The following SORCS3 variants were observed in gnomAD, a reference collection of about 807,000 sequenced individuals.
SORCS3 encodes the protein sortilin related VPS10 domain containing receptor 3.
In SORCS3, 57 loss-of-function variants were observed where a neutral mutation model predicts 146.3. The ratio of observed to expected loss-of-function variants is 0.39; its 90% CI spans 0.31 to 0.49. The LOEUF is 0.49. SORCS3 is among the 20% of genes least tolerant of loss of function. The pLI is 0.92. For missense variants in SORCS3, 1,341 were observed against 1,575.5 expected, an observed-to-expected ratio of 0.85 and a Z score of 2.52; for synonymous variants, 653 against 618.5, an observed-to-expected ratio of 1.06 and a Z score of -0.83.
chr10:105,210,632 G>C (rs887297794), intron 16 of SORCS3, among the ~76,000 whole-genome samples: 2 of 152,172 alleles, frequency 1.3e-5, no homozygotes, highest in African/African-American at 4.8e-5. Context: ...CACAAAAAGA[G>C]CTACAGTGTA....
intron 1 of SORCS3, among the ~76,000 whole-genome samples, chr10:104,721,435 G>A (rs189438702): frequency 2.6e-5 from 4 of 152,260 alleles, no homozygotes; most frequent in African/African-American, 9.6e-5. Context: ...TGTTCTTTTG[G>A]CTTAGGATTG....
intron 1 of SORCS3, among the ~76,000 whole-genome samples, chr10:104,660,853 T>C (rs1564653378): frequency 6.6e-6 from 1 of 152,164 alleles, no homozygotes; most frequent in Non-Finnish European, 1.5e-5. Context: ...CTCAAAAAGC[T>C]CCCATGAGAG....
chr10:105,256,149 A>G lies in SORCS3; in HGVS notation c.3337+348A>G, dbSNP rs556133747. The stretch of plus-strand genomic sequence containing the variant: ...ATTGGACAGTCCTCTAGCTCTCTTC[A>G]TTCATTCGATTATCTGATTTTATGA... On this transcript the variant is annotated intron_variant, in intron 24 of 26. Transcript: ENST00000369701. Among the ~76,000 whole-genome samples, 33 of 152,248 alleles carry G rather than the reference A, an allele frequency of 2.2e-4. No individual in the cohort carries two copies. The South Asian group carries it at 2.3e-3, about 11-fold the overall frequency.
intron 3 of SORCS3, among the ~76,000 whole-genome samples, chr10:104,941,080 G>A (rs2019316075): frequency 6.6e-6 from 1 of 152,186 alleles, no homozygotes; most frequent in Non-Finnish European, 1.5e-5. Flanking sequence ...CTCTTAGCAT[G>A]CTAATGCATT....
intron 3 of SORCS3, among the ~76,000 whole-genome samples, chr10:104,923,152 G>A (rs183534969): frequency 6.6e-6 from 1 of 152,238 alleles, no homozygotes; most frequent in Non-Finnish European, 1.5e-5. Context: ...TATGCTTTTC[G>A]AAGCCCCTTC....
Position 105,255,789 on chromosome 10 carries a change from C to G in SORCS3, c.3325C>G (p.Gln1109Glu). The change falls in exon 24 of 27, where the codon CAG becomes GAG. Residue 1109 changes from glutamine to glutamate, a missense_variant. Physicochemically the swap from Gln to Glu is conservative, Grantham distance 29. Transcript: ENST00000369701. ...PGVQVIVYVT[Q>E]LTLAPLVDSS... ...GGTACAAGTCATTGTGTATGTCACACAGCTGACGTTAGGTGAGTGCCACTG... is the reference window on the plus strand; with the variant it reads ...GGTACAAGTCATTGTGTATGTCACAGAGCTGACGTTAGGTGAGTGCCACTG... The G allele has an allele frequency of 6.2e-7, 1 of 1,613,096 alleles. No individual in the cohort carries two copies.
intron 4 of SORCS3, among the ~76,000 whole-genome samples, chr10:105,019,335 C>T (rs2055185888): frequency 6.6e-6 from 1 of 152,192 alleles, no homozygotes; most frequent in African/African-American, 2.4e-5. Flanking sequence ...AGGAGAATGG[C>T]CAGTTGTCTC....
chr10:105,247,373 A>G (rs1426118023), intron 22 of SORCS3, 42 bp downstream of exon 22: 15 of 1,140,212 alleles, frequency 1.3e-5, no homozygotes, highest in Admixed American at 3.5e-5. Flanking sequence ...GTGAATAAAG[A>G]AAAGAACTAG....
chr10:105,004,154 C>T (rs2055079153), intron 4 of SORCS3, among the ~76,000 whole-genome samples: 1 of 152,158 alleles, frequency 6.6e-6, no homozygotes, highest in Non-Finnish European at 1.5e-5. Flanking sequence ...GTGCAGCTGT[C>T]TGCCTGACAG....
rs145127683 is a variant in SORCS3, at chr10:105,253,218, G to C, written c.3237+312G>C. ...GGGGAGCAGCAGAGAGAGAGAGAGA[G>C]AGACAGACAGAGAGAGAAAGAAGGG... On this transcript the variant is annotated intron_variant, in intron 23 of 26. Transcript: ENST00000369701. Among the ~76,000 whole-genome samples, 279 of 152,246 alleles carry C rather than the reference G, an allele frequency of 1.8e-3. 1 individual carries two copies. Among genetic ancestry groups the C allele is most frequent in the Admixed American group, 3.8e-3 (58 of 15,290 alleles).
At chr10:105,054,580 T>G (rs2055434191) in intron 5 of SORCS3, among the ~76,000 whole-genome samples, 1 of 152,042 alleles carries the variant, frequency 6.6e-6, no homozygotes, top group Non-Finnish European at 1.5e-5. Flanking sequence ...CTTTTTTTTT[T>G]TTAAGTAAAA....
At chr10:104,782,710 G>C (rs2017389437) in intron 1 of SORCS3, among the ~76,000 whole-genome samples, 1 of 152,144 alleles carries the variant, frequency 6.6e-6, no homozygotes, top group South Asian at 2.1e-4. Context: ...TTCTTCTCCT[G>C]ACTCCCTTAC....
chr10:105,026,298 G>C (rs564605009), intron 4 of SORCS3, among the ~76,000 whole-genome samples: 1 of 152,286 alleles, frequency 6.6e-6, no homozygotes, highest in East Asian at 1.9e-4. Flanking sequence ...GTCTTCTCTA[G>C]ACTCGCCGCT....
chr10:105,201,057 A>G (rs2119616285), intron 15 of SORCS3, 63 bp from the exon 16 acceptor site: 1 of 1,576,224 alleles, frequency 6.3e-7, no homozygotes, highest in Non-Finnish European at 8.6e-7. Flanking sequence ...TCTTGTTGAC[A>G]ACTGGTTTAT....
At chr10:104,676,358 T>C (rs1220491116) in intron 1 of SORCS3, among the ~76,000 whole-genome samples, 3 of 152,218 alleles carry the variant, frequency 2.0e-5, no homozygotes, top group Non-Finnish European at 4.4e-5. Context: ...TGCTTTTTAC[T>C]AGGTTATGGA....
At position 104,641,761 on chromosome 10, in the gene SORCS3, C is replaced by T; in HGVS notation, c.434C>T (p.Ala145Val). 1 of 1,547,046 alleles carries T rather than the reference C, an allele frequency of 6.5e-7. No individual in the cohort carries two copies. Among genetic ancestry groups the T allele is most frequent in the Non-Finnish European group, 8.7e-7 (1 of 1,146,192 alleles). Residue 145 changes from alanine (A) to valine (V), a missense_variant, in exon 1 of 27, where the codon GCC becomes GTC. Ala to Val is a moderately conservative substitution (Grantham distance 64). Transcript: ENST00000369701. The surrounding 1 kb of genome is among the most constrained non-coding windows in gnomAD (Gnocchi z 6.4). ...QPPITQERGD[A>V]WATAPADGSR... ...CCAATCACCCAGGAACGCGGGGACG[C>T]CTGGGCCACTGCTCCGGCCGATGGT...
intron 14 of SORCS3, among the ~76,000 whole-genome samples, chr10:105,196,530 G>T (rs764806189): frequency 1.3e-5 from 2 of 152,200 alleles, no homozygotes; most frequent in Non-Finnish European, 2.9e-5. Flanking sequence ...GCTCGGACCA[G>T]GGAGGTGGAG....
At chr10:104,807,449 CT>C (rs2017691261) in intron 1 of SORCS3, among the ~76,000 whole-genome samples, 1 of 152,008 alleles carries the variant, frequency 6.6e-6, no homozygotes. Flanking sequence ...TTTAAGAGTT[CT>C]TAAAACCTCT....
intron 1 of SORCS3, among the ~76,000 whole-genome samples, chr10:104,726,487 A>T (rs2016635478): frequency 6.6e-6 from 1 of 152,024 alleles, no homozygotes; most frequent in Admixed American, 6.6e-5. Flanking sequence ...GAGAGTGGGG[A>T]AGTCTGACCT....
Sources: allele counts gnomAD v4.1 joint callset (sites outside exome capture counted in the v4.1 genomes callset), GRCh38; gene constraint gnomAD v4.1.1; non-coding constraint Gnocchi (gnomAD v3.1); transcripts MANE v1.5; gene names NCBI Gene and HGNC (gene_info 2026-07-23, HGNC 2026-07-21).